The following FAM168A variants were observed in gnomAD, a reference collection of about 807,000 sequenced individuals.
FAM168A encodes the protein protein FAM168A.
FAM168A carries 3 observed loss-of-function variants against 28.5 expected under a neutral mutation model. The observed-to-expected ratio is 0.11, with a 90% confidence interval of 0.05 to 0.27. FAM168A has a LOEUF of 0.27. FAM168A is among the 10% of genes least tolerant of loss of function. FAM168A has a pLI of 1.00. For synonymous variants in FAM168A, 122 were observed against 124.2 expected (o/e 0.98, Z 0.12); for missense variants, 222 against 311.5 (o/e 0.71, Z 2.16).
intron 1 of FAM168A, among the ~76,000 whole-genome samples, chr11:73,472,957 C>T (rs11235770): frequency 0.22 from 33,415 of 151,698 alleles, 6,049 homozygotes; most frequent in African/African-American, 0.5. Flanking sequence ...ATCAACACCC[C>T]ATAGAAGGTT....
At chr11:73,493,893 C>T (rs1361134851) in intron 1 of FAM168A, among the ~76,000 whole-genome samples, 1 of 152,186 alleles carries the variant, frequency 6.6e-6, no homozygotes. Context: ...TTCACAGACC[C>T]TTCCAACTAA....
chr11:73,463,435 G>T (rs1264783410), intron 2 of FAM168A, among the ~76,000 whole-genome samples: 1 of 152,186 alleles, frequency 6.6e-6, no homozygotes, highest in Admixed American at 6.5e-5. Flanking sequence ...ACAGGGGAAT[G>T]ATAAGATAAT....
At chr11:73,412,087 G>A (rs1182319308) in intron 4 of FAM168A, among the ~76,000 whole-genome samples, 1 of 151,892 alleles carries the variant, frequency 6.6e-6, no homozygotes, top group East Asian at 1.9e-4. Flanking sequence ...GTTTGAAGGT[G>A]AAAACCCCAT....
At chr11:73,567,234 T>C (rs1231741499) in intron 1 of FAM168A, among the ~76,000 whole-genome samples, 2 of 152,172 alleles carry the variant, frequency 1.3e-5, no homozygotes, top group South Asian at 2.1e-4. Flanking sequence ...TGAAGGAATA[T>C]GAGAAGATAA....
chr11:73,427,505 C>T (rs1304700201), intron 3 of FAM168A, among the ~76,000 whole-genome samples: 1 of 152,128 alleles, frequency 6.6e-6, no homozygotes, highest in African/African-American at 2.4e-5. Flanking sequence ...CCCACTGATG[C>T]AACCACAATG....
chr11:73,592,083 G>A (rs1418523711), intron 1 of FAM168A, among the ~76,000 whole-genome samples: 2 of 152,110 alleles, frequency 1.3e-5, no homozygotes, highest in African/African-American at 2.4e-5. Flanking sequence ...TGATCAGAAG[G>A]CAAATCAAGA....
chr11:73,537,381 C>T (rs565311307), intron 1 of FAM168A, among the ~76,000 whole-genome samples: 30 of 152,008 alleles, frequency 2.0e-4, no homozygotes, highest in African/African-American at 6.8e-4. Context: ...GGCAACATGG[C>T]GAAACCCCGT....
chr11:73,408,256 C>T (rs1183154348), intron 6 of FAM168A, among the ~76,000 whole-genome samples: 1 of 152,202 alleles, frequency 6.6e-6, no homozygotes, highest in African/African-American at 2.4e-5. Context: ...GTTTCCCACA[C>T]TAACCTGGGT....
At chr11:73,438,855 G>A (rs1429617166) in intron 2 of FAM168A, among the ~76,000 whole-genome samples, 1 of 152,120 alleles carries the variant, frequency 6.6e-6, no homozygotes, top group Non-Finnish European at 1.5e-5. Flanking sequence ...ATCTGATCCT[G>A]AGCACAAAAC....
At chr11:73,583,547 G>A (rs1944274326) in intron 1 of FAM168A, among the ~76,000 whole-genome samples, 1 of 152,172 alleles carries the variant, frequency 6.6e-6, no homozygotes, top group Non-Finnish European at 1.5e-5. Flanking sequence ...ACCACAATCA[G>A]AGTAACCCAG....
intron 1 of FAM168A, among the ~76,000 whole-genome samples, chr11:73,477,696 C>CAA (rs113811185): frequency 2.0e-5 from 3 of 151,982 alleles, no homozygotes; most frequent in African/African-American, 7.3e-5. Context: ...AAAAAACAAA[C>CAA]AAAAAACCTG....
chr11:73,429,869 T>C lies in FAM168A; in HGVS notation c.151+821A>G, dbSNP rs1045880471. Among the ~76,000 whole-genome samples the C allele has an allele frequency of 8.5e-5, 13 of 152,242 alleles. No individual in the cohort carries two copies. The East Asian group carries it at 1.2e-3, about 14-fold the overall frequency. ...CAGTATGGAAGACATTCAATACTTATTGAGTAAATGGAACTTACATAAAAC... is the reference window on the plus strand; with the variant it reads ...CAGTATGGAAGACATTCAATACTTACTGAGTAAATGGAACTTACATAAAAC... On this transcript the variant is annotated intron_variant, in intron 3 of 7. Coordinates refer to ENST00000356467, the MANE Select transcript of FAM168A (RefSeq NM_015159.3).
chr11:73,446,536 C>G (rs1324407417), intron 2 of FAM168A, among the ~76,000 whole-genome samples: 2 of 152,176 alleles, frequency 1.3e-5, no homozygotes, highest in Non-Finnish European at 1.5e-5. Context: ...CTCAGTACCC[C>G]CAAGAACTCA....
intron 1 of FAM168A, among the ~76,000 whole-genome samples, chr11:73,488,912 G>A (rs569447910): frequency 2.0e-5 from 3 of 151,926 alleles, no homozygotes; most frequent in South Asian, 4.1e-4. Flanking sequence ...TTCTTGAGAC[G>A]GAGTCTTGCT....
At chr11:73,488,590 CCCA>C (rs1409653503) in intron 1 of FAM168A, among the ~76,000 whole-genome samples, 1 of 152,130 alleles carries the variant, frequency 6.6e-6, no homozygotes, top group Non-Finnish European at 1.5e-5. Context: ...TTCAAGAGCT[CCCA>C]CCACATTTAC....
intron 4 of FAM168A, among the ~76,000 whole-genome samples, chr11:73,417,726 AT>A (rs1203498160): frequency 3.2e-4 from 48 of 151,900 alleles, no homozygotes; most frequent in African/African-American, 1.1e-3. Context: ...TGCCTGGCTA[AT>A]TTTTTGTATT....
At chr11:73,414,999 A>G (rs1386267070) in intron 4 of FAM168A, among the ~76,000 whole-genome samples, 2 of 152,232 alleles carry the variant, frequency 1.3e-5, no homozygotes, top group Non-Finnish European at 2.9e-5. Context: ...TACCCACTGT[A>G]TGCCACAAGG....
At chr11:73,559,043 G>A (rs944784352) in intron 1 of FAM168A, among the ~76,000 whole-genome samples, 4 of 152,080 alleles carry the variant, frequency 2.6e-5, no homozygotes, top group African/African-American at 7.2e-5. Context: ...CAACTCAAAC[G>A]TCCATCAGTG....
chr11:73,420,094 C>A (rs1866766217), intron 3 of FAM168A, 95 bp from the exon 4 acceptor site: 1 of 1,491,672 alleles, frequency 6.7e-7, no homozygotes, highest in Non-Finnish European at 9.1e-7. Context: ...TGGACAGAAA[C>A]ATACAACCCA....
Sources: allele counts gnomAD v4.1 joint callset (sites outside exome capture counted in the v4.1 genomes callset), GRCh38; gene constraint gnomAD v4.1.1; transcripts MANE v1.5; gene names NCBI Gene and HGNC (gene_info 2026-07-23, HGNC 2026-07-21).